Variants in NELFE observed in about 807,000 individuals in gnomAD.
NELFE encodes the protein negative elongation factor E.
Under a neutral mutation model 55.5 loss-of-function variants are expected in NELFE, and 26 were observed. The observed-to-expected ratio is 0.47, with a 90% CI of 0.34 to 0.65. NELFE has a LOEUF of 0.65. Ranked by LOEUF, NELFE falls within the 30% of genes least tolerant of loss-of-function variation. The probability of loss-of-function intolerance (pLI) is 0.01; values close to 1 mark genes in which losing one functional copy is unlikely to be tolerated. For synonymous variants in NELFE, 162 were observed against 178.0 expected (o/e 0.91, Z 0.72); for missense variants, 403 against 506.9 (o/e 0.80, Z 1.97).
chr6:31,955,533 T>A (rs140908734), intron 4 of NELFE, among the ~76,000 whole-genome samples: 4 of 149,914 alleles, frequency 2.7e-5, no homozygotes, highest in Non-Finnish European at 4.5e-5. Flanking sequence ...GCTGCAGCCT[T>A]GACCTCCCAT....
intron 4 of NELFE, among the ~76,000 whole-genome samples, chr6:31,956,170 C>T (rs1445002607): frequency 6.6e-6 from 1 of 152,096 alleles, no homozygotes; most frequent in African/African-American, 2.4e-5. Context: ...ACCTCGTGAT[C>T]CGCCTGCCTC....
rs566796435 is a variant in NELFE, at chr6:31,956,544, C to T, written c.291+149G>A. Reference sequence around the variant, plus strand: ...TTTGTAAAATGGAGAATTCAGGAGTCGTCTAGTTTTTTCATTTTATACATG... The same window carrying T: ...TTTGTAAAATGGAGAATTCAGGAGTTGTCTAGTTTTTTCATTTTATACATG... On this transcript the variant is annotated intron_variant, in intron 4 of 10. Transcript: ENST00000375429. 237 of 783,272 alleles carry T rather than the reference C, an allele frequency of 3.0e-4. 3 individuals are homozygous for T. The highest frequency in any genetic ancestry group is 2.0e-4 in the Non-Finnish European group (102 of 500,832). The allele number at this position is 783,272 out of a possible 1,614,324, so 48.5% of individuals were successfully genotyped here. A position where few individuals can be genotyped will look rare whatever the true frequency, so the allele number is the denominator to read the frequency against.
Position 31,954,659 on chromosome 6 carries a change from T to C in NELFE, c.638A>G (p.Asp213Gly), listed in dbSNP as rs1252515207. Residue 213 changes from aspartate (D) to glycine (G), a missense_variant, in exon 7 of 11, where the codon GAC becomes GGC. This residue lies in a region of NELFE where 229 missense variants were observed against 228.3 expected (regional missense o/e 1.00). Coordinates refer to ENST00000375429, the MANE Select transcript of NELFE (RefSeq NM_002904.6). This position sits in a 1 kb window ranked among gnomAD's most constrained non-coding sequence, Gnocchi z 5.5. ...ATCCCGATCCCTGTCCCGCTCTCTG[T>C]CTCTGTCTCGATCCCGGTCTCGATC... is the stretch of plus-strand genomic sequence containing the variant. ...ERDRDRDRDR[D>G]RERDRDRDRD... 4.4e-6 allele frequency: 7 copies of C among 1,600,388 alleles called. No individual in the cohort carries two copies. The highest frequency in any genetic ancestry group is 2.2e-5 in the South Asian group (2 of 89,562).
At chr6:31,955,440 TTTTAC>T in intron 4 of NELFE, 147 bp from the exon 5 acceptor site, 1 of 559,806 alleles carries the variant, frequency 1.8e-6, no homozygotes, top group Non-Finnish European at 3.0e-6. Context: ...TTTGACGTGG[TTTTAC>T]TTATTTTTTT....
Position 31,954,303 on chromosome 6 carries a change from G to C in NELFE, c.882C>G (p.Pro294=). Residue 294 remains proline, a synonymous_variant, in exon 8 of 11, where the codon CCC becomes CCG. Coordinates refer to ENST00000375429, the MANE Select transcript of NELFE (RefSeq NM_002904.6). This position sits in a 1 kb window ranked among gnomAD's most constrained non-coding sequence, Gnocchi z 5.5. Reference sequence around the variant, plus strand: ...TGCCCTGTTGTCATCCTTACTTTCTGGGTGGGTCCATGGAGAGGTCAATGA... The same window carrying C: ...TGCCCTGTTGTCATCCTTACTTTCTCGGTGGGTCCATGGAGAGGTCAATGA... ...GNIIDLSMDP[P]RNCAFVTYEK... is the part of the protein sequence containing the mutation. 1 of 1,609,606 alleles carries C rather than the reference G, an allele frequency of 6.2e-7. No individual in the cohort carries two copies. Among genetic ancestry groups the C allele is most frequent in the Admixed American group, 1.7e-5 (1 of 58,996 alleles).
intron 2 of NELFE, 197 bp from the exon 3 acceptor site, chr6:31,957,207 C>T (rs764656065): frequency 1.1e-5 from 7 of 622,928 alleles, no homozygotes; most frequent in African/African-American, 3.7e-5. Flanking sequence ...AACCAAACCA[C>T]GGAACCCAGA....
rs762570170 is a variant in NELFE at position 31,957,354 on chromosome 6, T to C, written c.76-344A>G. ...GCTTCATCCATCTATTTCCTGCATA[T>C]TGAATGAGGCCCAGCCATGACTTCG... is the stretch of plus-strand genomic sequence containing the variant. On this transcript the variant is annotated intron_variant, in intron 2 of 10. Coordinates refer to ENST00000375429, the MANE Select transcript of NELFE (RefSeq NM_002904.6). 7 of 541,074 alleles carry C rather than the reference T, an allele frequency of 1.3e-5. No homozygotes were observed. The East Asian group carries it at 1.4e-4, about 11-fold the overall frequency. 33.5% of individuals were successfully genotyped at this position (541,074 alleles called of 1,614,324 possible).
At position 31,954,682 on chromosome 6, in the gene NELFE, A is replaced by ATCCCGCTCCCGATCTCGGTCTCTG. The variant is rs1164969038; in HGVS notation, c.591_614dup (p.Glu203_Arg210dup). 1.3e-6 allele frequency: 2 copies of ATCCCGCTCCCGATCTCGGTCTCTG among 1,597,956 alleles called. No individual in the cohort carries two copies. The highest frequency in any genetic ancestry group is 3.4e-5 in the Admixed American group (2 of 58,720). On this transcript the variant is annotated inframe_insertion, in exon 7 of 11. Transcript: ENST00000375429. The surrounding 1 kb of genome is among the most constrained non-coding windows in gnomAD (Gnocchi z 5.5). ...TGTCTCTGTCTCGATCCCGGTCTCG[A>ATCCCGCTCCCGATCTCGGTCTCTG]TCCCGCTCCCGATCTCGGTCTCTGT...
chr6:31,953,808 A>T lies in NELFE; in HGVS notation c.966T>A (p.Ser322=). Residue 322 remains serine, a synonymous_variant, in exon 10 of 11, where the codon TCT becomes TCA. Transcript: ENST00000375429. ...VAELNGTQVE[S]VQLKVNIARK... ...GGGCTATGTTGACTTTGAGCTGTAC[A>T]GACTCCACCTGGGTCCCGTTGAGCT... 6.2e-7 allele frequency: 1 copy of T among 1,613,126 alleles called. No homozygotes were observed. Among genetic ancestry groups the T allele is most frequent in the South Asian group, 1.1e-5 (1 of 91,088 alleles).
rs1562639934 is a variant in NELFE, at chr6:31,954,663, T to G, written c.634A>C (p.Arg212=). ...RERDRDRDRD[R]DRERDRDRDR... is the part of the protein sequence containing the mutation. ...CGATCCCTGTCCCGCTCTCTGTCTC[T>G]GTCTCGATCCCGGTCTCGATCCCGC... Residue 212 remains arginine, a synonymous_variant, in exon 7 of 11, where the codon AGA becomes CGA. Coordinates refer to ENST00000375429, the MANE Select transcript of NELFE (RefSeq NM_002904.6). The surrounding 1 kb of genome is among the most constrained non-coding windows in gnomAD (Gnocchi z 5.5). 6.3e-7 allele frequency: 1 copy of G among 1,599,348 alleles called. No homozygotes were observed. The highest frequency in any genetic ancestry group is 1.7e-5 in the Admixed American group (1 of 58,942).
chr6:31,954,925 G>GT lies in NELFE; in HGVS notation c.405-34dup, dbSNP rs1333820247. The GT allele has an allele frequency of 1.3e-6, 2 of 1,583,020 alleles. No homozygotes were observed. The highest frequency in any genetic ancestry group is 1.7e-6 in the Non-Finnish European group (2 of 1,164,568). Reference sequence around the variant, plus strand: ...GATGCAGACTGAAGATCAAAGGGGGGTTTTACCTTCTCCCCTCAGACCCTG... The same window carrying GT: ...GATGCAGACTGAAGATCAAAGGGGGGTTTTTACCTTCTCCCCTCAGACCCTG... On this transcript the variant is annotated intron_variant, in intron 6 of 10. Coordinates refer to ENST00000375429, the MANE Select transcript of NELFE (RefSeq NM_002904.6). This position sits in a 1 kb window ranked among gnomAD's most constrained non-coding sequence, Gnocchi z 5.5.
intron 2 of NELFE, 144 bp downstream of exon 2, chr6:31,958,228 C>G: frequency 2.7e-6 from 2 of 736,280 alleles, no homozygotes; most frequent in Non-Finnish European, 2.4e-6. Context: ...CTTGGGAAAG[C>G]CCACCTCTCG....
intron 10 of NELFE, 100 bp downstream of exon 10, chr6:31,953,629 T>C (rs1771891752): frequency 8.9e-6 from 9 of 1,011,450 alleles, no homozygotes; most frequent in Non-Finnish European, 1.4e-5. Flanking sequence ...CCGCACACAC[T>C]CTGACCTCGA....
intron 2 of NELFE, 125 bp downstream of exon 2, chr6:31,958,247 C>G: frequency 1.2e-6 from 1 of 853,346 alleles, no homozygotes; most frequent in South Asian, 1.3e-5. Context: ...CGAAGCTACA[C>G]TGTGAGGTGA....
At position 31,954,063 on chromosome 6, in the gene NELFE, A is replaced by G; in HGVS notation, c.942+17T>C. 1.2e-6 allele frequency: 2 copies of G among 1,612,824 alleles called. No individual in the cohort carries two copies. The highest frequency in any genetic ancestry group is 1.7e-6 in the Non-Finnish European group (2 of 1,179,518). ...ACAGCAGAAGCGATGGGAAGAACAG[A>G]TTTGGGAAGTTCCAACCTCAGCAAC... On this transcript the variant is annotated intron_variant, in intron 9 of 10. Coordinates refer to ENST00000375429, the MANE Select transcript of NELFE (RefSeq NM_002904.6). The surrounding 1 kb of genome is among the most constrained non-coding windows in gnomAD (Gnocchi z 5.5).
intron 2 of NELFE, chr6:31,957,248 G>A: frequency 1.6e-6 from 1 of 610,172 alleles, no homozygotes; most frequent in Non-Finnish European, 2.9e-6. Context: ...TTTTGAAGTT[G>A]AAGACAAATA....
intron 6 of NELFE, 41 bp downstream of exon 6, chr6:31,955,018 A>C (rs1448778293): frequency 6.2e-7 from 1 of 1,613,414 alleles, no homozygotes. Flanking sequence ...TCAGGCAATC[A>C]ACTCCACCAA....
chr6:31,952,368 C>T lies in NELFE; in HGVS notation c.1076G>A (p.Arg359Gln), dbSNP rs755561816. 39 of 1,613,952 alleles carry T rather than the reference C, an allele frequency of 2.4e-5. No homozygotes were observed. The highest frequency in any genetic ancestry group is 1.6e-4 in the Middle Eastern group (1 of 6,076). ...AVQNSPKGCHRDKRTQIVYSD... is the reference protein window; with the variant it reads ...AVQNSPKGCHQDKRTQIVYSD... ...GTAGACAATCTGGGTCCTCTTGTCC[C>T]GGTGGCAACCCTTAGGGCTGTTCTG... Residue 359 changes from arginine (R) to glutamine (Q), a missense_variant, in exon 11 of 11, where the codon CGG becomes CAG. Arg to Gln is a conservative substitution (Grantham distance 43). Transcript: ENST00000375429.
Position 31,956,767 on chromosome 6 carries a change from C to T in NELFE, c.217G>A (p.Ala73Thr), listed in dbSNP as rs1562644003. 2 of 1,613,082 alleles carry T rather than the reference C, an allele frequency of 1.2e-6. No individual in the cohort carries two copies. Reference protein sequence around the residue: ...EQAKQLVKSGAISAIKAETKN... With the variant: ...EQAKQLVKSGTISAIKAETKN... ...GTCTCAGCCTTGATGGCACTGATGG[C>T]TCCTGACTTCACCAGCTGCTTTGCC... is the stretch of plus-strand genomic sequence containing the variant. The change falls in exon 4 of 11, where the codon GCC (alanine) becomes ACC (threonine). Residue 73 changes from alanine (A) to threonine (T), a missense_variant. Ala to Thr is a moderately conservative substitution (Grantham distance 58). Transcript: ENST00000375429.
Sources: allele counts gnomAD v4.1 joint callset (sites outside exome capture counted in the v4.1 genomes callset), GRCh38; gene constraint gnomAD v4.1.1; regional missense constraint gnomAD v4.1.1; non-coding constraint Gnocchi (gnomAD v3.1); transcripts MANE v1.5; gene names NCBI Gene and HGNC (gene_info 2026-07-23, HGNC 2026-07-21).